Variants in TANC1 observed in about 807,000 individuals in gnomAD.
TANC1 encodes tetratricopeptide repeat, ankyrin repeat and coiled-coil containing 1.
In TANC1, 77 loss-of-function variants were observed where a neutral mutation model predicts 149.7. The observed-to-expected ratio is 0.51, with a 90% confidence interval of 0.43 to 0.62. The LOEUF (loss-of-function observed/expected upper bound fraction) is 0.62, where lower values mean the gene tolerates loss of function less well. Ranked by LOEUF, TANC1 falls within the 20% of genes least tolerant of loss-of-function variation. The pLI is 0.00. For synonymous variants in TANC1, 854 were observed against 925.0 expected (o/e 0.92, Z 1.39); for missense variants, 1,985 against 2,321.8 (o/e 0.85, Z 2.98).
At position 159,136,045 on chromosome 2, in the gene TANC1, T is replaced by TGTGTGTGTGTGTGTGTGC. The variant is rs1559326068; in HGVS notation, c.260-144_260-143insTGTGTGTGTGTGCGTGTG. Reference sequence around the variant, plus strand: ...GTGTGTGTGTGTGTGTGTGTGTGTGTGTGTGCGCGCGCGCGCGTTTAAGGG... The same window carrying TGTGTGTGTGTGTGTGTGC: ...GTGTGTGTGTGTGTGTGTGTGTGTGTGTGTGTGTGTGTGTGTGCGTGTGCGCGCGCGCGCGTTTAAGGG... On this transcript the variant is annotated intron_variant, in intron 4 of 26. Transcript: ENST00000263635. 11 of 107,798 alleles carry TGTGTGTGTGTGTGTGTGC rather than the reference T, an allele frequency of 1.0e-4. 1 individual carries two copies. The highest frequency in any genetic ancestry group is 1.6e-4 in the Non-Finnish European group (8 of 49,418). The allele number at this position is 107,798 out of a possible 1,614,324, so 6.7% of individuals were successfully genotyped here.
At chr2:159,162,311 G>C (rs767165768) in intron 7 of TANC1, among the ~76,000 whole-genome samples, 1 of 152,156 alleles carries the variant, frequency 6.6e-6, no homozygotes, top group African/African-American at 2.4e-5. Context: ...TAACAGGCGT[G>C]GAGTTGAGGG....
At chr2:159,062,252 AAAAAC>A (rs1383068078) in intron 2 of TANC1, among the ~76,000 whole-genome samples, 3 of 152,194 alleles carry the variant, frequency 2.0e-5, no homozygotes, top group African/African-American at 7.2e-5. Flanking sequence ...CAAACAAACA[AAAAAC>A]AAAACAAAAA....
chr2:159,026,917 G>A (rs2039390385), intron 2 of TANC1: 1 of 152,122 alleles, frequency 6.6e-6, no homozygotes, highest in African/African-American at 2.4e-5. Context: ...AATGGCAGGG[G>A]TCTTTTTCCT....
chr2:159,154,794 T>G (rs551563462), intron 7 of TANC1, among the ~76,000 whole-genome samples: 1 of 152,338 alleles, frequency 6.6e-6, no homozygotes, highest in East Asian at 1.9e-4. Context: ...TACCTAGAAG[T>G]TGGTGTCTGA....
At position 159,176,502 on chromosome 2, in the gene TANC1, T is replaced by C. The variant is rs1422267511; in HGVS notation, c.1886T>C (p.Val629Ala). 2 of 1,590,096 alleles carry C rather than the reference T, an allele frequency of 1.3e-6. No individual in the cohort carries two copies. Among genetic ancestry groups the C allele is most frequent in the Admixed American group, 3.8e-5 (2 of 52,616 alleles). Residue 629 changes from valine (V) to alanine (A), a missense_variant, in exon 13 of 27, where the codon GTA becomes GCA. Physicochemically the swap from Val to Ala is moderately conservative, Grantham distance 64. Coordinates refer to ENST00000263635, the MANE Select transcript of TANC1 (RefSeq NM_033394.3). The stretch of plus-strand genomic sequence containing the variant: ...GCCTGGTTGAAGTTGATTGTGACTG[T>C]AAGAGCAAATTTTCAGGTAACAAAG... ...FPAWLKLIVT[V>A]RANFQEIISA...
At chr2:158,989,250 T>C (rs1414346642) in intron 1 of TANC1, among the ~76,000 whole-genome samples, 3 of 152,156 alleles carry the variant, frequency 2.0e-5, no homozygotes, top group Non-Finnish European at 4.4e-5. Flanking sequence ...CGCTCATGCC[T>C]ATAATTTCAG....
At chr2:159,170,006 A>C (rs972888815) in intron 9 of TANC1, among the ~76,000 whole-genome samples, 10 of 151,804 alleles carry the variant, frequency 6.6e-5, no homozygotes, top group Non-Finnish European at 1.3e-4. Flanking sequence ...AAAAAAAAAA[A>C]CACTTGGACT....
At chr2:159,065,640 GTT>G (rs34624412) in intron 2 of TANC1, among the ~76,000 whole-genome samples, 21 of 136,194 alleles carry the variant, frequency 1.5e-4, no homozygotes, top group African/African-American at 2.2e-4. Flanking sequence ...ATGCACTATT[GTT>G]TTTTTTTTTT....
Position 159,197,960 on chromosome 2 carries a change from C to G in TANC1, c.3166-1015C>G, listed in dbSNP as rs569598557. Among the ~76,000 whole-genome samples, 4 of 152,308 alleles carry G rather than the reference C, an allele frequency of 2.6e-5. No homozygotes were observed. In the East Asian group the frequency reaches 7.7e-4, roughly 29 times the overall value. On this transcript the variant is annotated intron_variant, in intron 18 of 26. Coordinates refer to ENST00000263635, the MANE Select transcript of TANC1 (RefSeq NM_033394.3). ...TCTGATGGTCAGAAGTCTAAAATCA[C>G]ACTATTGGGAGGTCAGCCTTCCTTC...
At chr2:159,158,420 G>C (rs2053661627) in intron 7 of TANC1, among the ~76,000 whole-genome samples, 1 of 152,140 alleles carries the variant, frequency 6.6e-6, no homozygotes, top group African/African-American at 2.4e-5. Flanking sequence ...AGGGCATTCT[G>C]GGGCTTTCCT....
intron 1 of TANC1, among the ~76,000 whole-genome samples, chr2:158,969,826 C>G (rs1475128737): frequency 1.3e-5 from 2 of 152,224 alleles, no homozygotes; most frequent in African/African-American, 4.8e-5. Context: ...ACGGCCTTCT[C>G]CCAGCCCCCT....
chr2:159,163,585 A>T, intron 8 of TANC1, 39 bp downstream of exon 8: 1 of 1,590,392 alleles, frequency 6.3e-7, no homozygotes, highest in Non-Finnish European at 8.6e-7. Context: ...TATCTCAGGG[A>T]TACCAAGGTG....
At chr2:159,046,478 T>A (rs1223267822) in intron 2 of TANC1, among the ~76,000 whole-genome samples, 3 of 152,130 alleles carry the variant, frequency 2.0e-5, no homozygotes, top group Non-Finnish European at 4.4e-5. Flanking sequence ...AAGCCTGTTG[T>A]CACTTGTTAG....
Position 159,082,978 on chromosome 2 carries a change from C to T in TANC1, c.62-14659C>T, listed in dbSNP as rs1198178019. 1.3e-5 allele frequency among the ~76,000 whole-genome samples: 2 copies of T among 152,202 alleles called. 1 individual carries two copies. On this transcript the variant is annotated intron_variant, in intron 3 of 26. Transcript: ENST00000263635. Reference sequence around the variant, plus strand: ...TTTATTTATTTAAGACAGAGTCTTGCTTTGTCTCCCAGGCTGGAGTACATT... The same window carrying T: ...TTTATTTATTTAAGACAGAGTCTTGTTTTGTCTCCCAGGCTGGAGTACATT...
At chr2:159,128,623 G>A (rs1226315212) in intron 4 of TANC1, among the ~76,000 whole-genome samples, 1 of 152,120 alleles carries the variant, frequency 6.6e-6, no homozygotes, top group Non-Finnish European at 1.5e-5. Context: ...CCCGAGCCGT[G>A]CCTCAACTCA....
intron 2 of TANC1, among the ~76,000 whole-genome samples, chr2:159,010,468 C>G (rs1291201003): frequency 6.6e-6 from 1 of 152,154 alleles, no homozygotes; most frequent in Non-Finnish European, 1.5e-5. Context: ...AGATGCATTA[C>G]TCATTAGGAG....
chr2:159,047,102 A>C (rs2041123004), intron 2 of TANC1, among the ~76,000 whole-genome samples: 1 of 151,682 alleles, frequency 6.6e-6, no homozygotes, highest in Non-Finnish European at 1.5e-5. Flanking sequence ...CTCTGAATTC[A>C]TCCTCCTCTT....
chr2:159,069,765 CT>C (rs67843631), intron 3 of TANC1, among the ~76,000 whole-genome samples: 30,620 of 109,332 alleles, frequency 0.28, 2,994 homozygotes, highest in South Asian at 0.35. Flanking sequence ...TATGTGCAAG[CT>C]TTTTTTTTTT....
At chr2:158,996,257 G>A (rs2036125153) in intron 1 of TANC1, among the ~76,000 whole-genome samples, 1 of 152,114 alleles carries the variant, frequency 6.6e-6, no homozygotes, top group East Asian at 1.9e-4. Flanking sequence ...CCACTCGTGA[G>A]GCTGAGGTGG....
Sources: gnomAD v4.1 joint callset for allele counts (sites outside exome capture counted in the v4.1 genomes callset) on GRCh38, gnomAD v4.1.1 for gene constraint, MANE v1.5 for transcripts, NCBI Gene and HGNC (gene_info 2026-07-23, HGNC 2026-07-21) for gene names.